The following ADAMTS2 variants were observed in gnomAD, a reference collection of about 807,000 sequenced individuals.
ADAMTS2 encodes the protein ADAM metallopeptidase with thrombospondin type 1 motif 2, also known as A disintegrin and metalloproteinase with thrombospondin motifs 2.
A neutral mutation model predicts 123.0 loss-of-function variants in ADAMTS2; 50 were observed. That is an observed-to-expected ratio of 0.41 (90% CI 0.32 to 0.51). The LOEUF (loss-of-function observed/expected upper bound fraction) is 0.51, where lower values mean the gene tolerates loss of function less well. Among genes scored for constraint, ADAMTS2 ranks in the 20% least tolerant of loss-of-function variants. The pLI, the probability that ADAMTS2 is intolerant of heterozygous loss-of-function variation, is 0.35. For synonymous variants in ADAMTS2, 678 were observed against 695.4 expected, an observed-to-expected ratio of 0.98 and a Z score of 0.39; for missense variants, 1,494 against 1,705.2, an observed-to-expected ratio of 0.88 and a Z score of 2.18.
In ADAMTS2 at chr5:179,129,919, T is replaced by G. The variant is rs1762929055; in HGVS notation, c.2457+13A>C. ...CCGCACCCTTCCCTGGGCCCAGCCCTGCTTGGACTCACCAGAACGGTGATG... is the reference window on the plus strand; with the variant it reads ...CCGCACCCTTCCCTGGGCCCAGCCCGGCTTGGACTCACCAGAACGGTGATG... On this transcript the variant is annotated intron_variant, in intron 16 of 21. Coordinates refer to ENST00000251582, the MANE Select transcript of ADAMTS2 (RefSeq NM_014244.5). This position sits in a 1 kb window ranked among gnomAD's most constrained non-coding sequence, Gnocchi z 4.1. The G allele has an allele frequency of 6.2e-7, 1 of 1,613,716 alleles. No homozygotes were observed. The highest frequency in any genetic ancestry group is 1.3e-5 in the African/African-American group (1 of 75,046).
intron 4 of ADAMTS2, among the ~76,000 whole-genome samples, chr5:179,193,898 C>A (rs976710751): frequency 2.6e-5 from 4 of 152,184 alleles, no homozygotes; most frequent in African/African-American, 4.8e-5. Flanking sequence ...TGGGAGGGGC[C>A]TCAGGGAGTG....
chr5:179,229,586 T>C (rs1032882156), intron 3 of ADAMTS2, among the ~76,000 whole-genome samples: 4 of 152,116 alleles, frequency 2.6e-5, no homozygotes, highest in African/African-American at 9.7e-5. Flanking sequence ...ACACTCTTTG[T>C]AGGGGTCCTG....
intron 3 of ADAMTS2, among the ~76,000 whole-genome samples, chr5:179,218,734 A>G (rs1490775620): frequency 6.6e-6 from 1 of 151,936 alleles, no homozygotes; most frequent in African/African-American, 2.4e-5. Context: ...AGTTCTCTAA[A>G]CTCCCACGGG....
Position 179,209,510 on chromosome 5 carries a change from G to A in ADAMTS2, c.689-1795C>T, listed in dbSNP as rs577216005. On this transcript the variant is annotated intron_variant, in intron 3 of 21. Coordinates refer to ENST00000251582, the MANE Select transcript of ADAMTS2 (RefSeq NM_014244.5). ...CTCCACAGTTCTGTGTCCCCTCGGC[G>A]CACACACACATGCACACACACACAC... Among the ~76,000 whole-genome samples, 8 of 138,092 alleles carry A rather than the reference G, an allele frequency of 5.8e-5. No homozygotes were observed. The East Asian group carries it at 5.9e-4, about 10-fold the overall frequency. 90.6% of individuals were successfully genotyped at this position (138,092 alleles called of 152,430 possible).
Position 179,115,118 on chromosome 5 carries a change from C to A in ADAMTS2, c.3179-794G>T, listed in dbSNP as rs1227412693. 6.6e-6 allele frequency among the ~76,000 whole-genome samples: 1 copy of A among 152,160 alleles called. No individual in the cohort carries two copies. Among genetic ancestry groups the A allele is most frequent in the Non-Finnish European group, 1.5e-5 (1 of 68,042 alleles). On this transcript the variant is annotated intron_variant, in intron 21 of 21. Transcript: ENST00000251582. The surrounding 1 kb of genome is among the most constrained non-coding windows in gnomAD (Gnocchi z 4.4). ...CACATCTTTCTCTTTCCTTTCCACC[C>A]AAGAAACTGGTCATCTGTGGTCCAG...
At chr5:179,325,916 C>T (rs946461303) in intron 2 of ADAMTS2, among the ~76,000 whole-genome samples, 17 of 152,240 alleles carry the variant, frequency 1.1e-4, no homozygotes, top group Non-Finnish European at 1.8e-4. Flanking sequence ...AGGAGCGAGG[C>T]CAGCCGCCTC....
intron 2 of ADAMTS2, among the ~76,000 whole-genome samples, chr5:179,283,951 T>TATC (rs1755920191): frequency 2.2e-5 from 2 of 90,852 alleles, no homozygotes; most frequent in Non-Finnish European, 4.5e-5. Flanking sequence ...AGATGATTAT[T>TATC]ATTATTATTA....
In ADAMTS2 at chr5:179,303,761, G is replaced by A. The variant is rs1327642161; in HGVS notation, c.535-30697C>T. ...CTGGAAGTGCTGTGGTCCTAGAAAG[G>A]TGGAGTGAAACCCCATTGCTCTTTC... On this transcript the variant is annotated intron_variant, in intron 2 of 21. Transcript: ENST00000251582. This position sits in a 1 kb window ranked among gnomAD's most constrained non-coding sequence, Gnocchi z 4.7. 6.6e-6 allele frequency among the ~76,000 whole-genome samples: 1 copy of A among 152,222 alleles called. No homozygotes were observed. Among genetic ancestry groups the A allele is most frequent in the African/African-American group, 2.4e-5 (1 of 41,454 alleles).
chr5:179,178,269 C>A (rs527974646), intron 5 of ADAMTS2, among the ~76,000 whole-genome samples: 10 of 27,224 alleles, frequency 3.7e-4, no homozygotes, highest in Admixed American at 1.1e-3. Context: ...ATCCCCCCCG[C>A]ACCTCCCCGC....
At chr5:179,172,713 T>C (rs1469626539) in intron 5 of ADAMTS2, among the ~76,000 whole-genome samples, 5 of 152,214 alleles carry the variant, frequency 3.3e-5, no homozygotes, top group Non-Finnish European at 7.3e-5. Context: ...TGAATTCTCT[T>C]TGATGTCTTC....
intron 3 of ADAMTS2, among the ~76,000 whole-genome samples, chr5:179,259,659 C>T (rs571627402): frequency 9.2e-5 from 14 of 152,364 alleles, no homozygotes; most frequent in African/African-American, 2.4e-4. Context: ...TTCCTGATAC[C>T]GGGTCTGTCG....
intron 2 of ADAMTS2, among the ~76,000 whole-genome samples, chr5:179,283,945 GATTATTATT>G (rs756134923): frequency 4.5e-4 from 54 of 120,530 alleles, no homozygotes; most frequent in Non-Finnish European, 5.8e-4. Context: ...ATGGTCAGAT[GATTATTATT>G]ATTATTATTA....
At chr5:179,163,552 A>T (rs2113275858) in intron 5 of ADAMTS2, among the ~76,000 whole-genome samples, 1 of 152,268 alleles carries the variant, frequency 6.6e-6, no homozygotes, top group Non-Finnish European at 1.5e-5. Flanking sequence ...CCCCGTCACC[A>T]CTTTATTCCA....
rs969827455 is a variant in ADAMTS2 at position 179,234,445 on chromosome 5, G to A, written c.689-26730C>T. 5.9e-5 allele frequency among the ~76,000 whole-genome samples: 9 copies of A among 151,964 alleles called. No homozygotes were observed. Among genetic ancestry groups the A allele is most frequent in the East Asian group, 1.9e-4 (1 of 5,164 alleles). ...CTTCCGTGTGCAGGGCTTCACCCTCGCTCTCCTCTCTGCCTGCTCCACACC... is the reference window on the plus strand; with the variant it reads ...CTTCCGTGTGCAGGGCTTCACCCTCACTCTCCTCTCTGCCTGCTCCACACC... On this transcript the variant is annotated intron_variant, in intron 3 of 21. Coordinates refer to ENST00000251582, the MANE Select transcript of ADAMTS2 (RefSeq NM_014244.5). This position sits in a 1 kb window ranked among gnomAD's most constrained non-coding sequence, Gnocchi z 4.7.
At chr5:179,326,043 G>A (rs565915838) in intron 2 of ADAMTS2, among the ~76,000 whole-genome samples, 4 of 152,340 alleles carry the variant, frequency 2.6e-5, no homozygotes, top group African/African-American at 4.8e-5. Flanking sequence ...CTGCCTCTCC[G>A]TCCTGCACAT....
chr5:179,231,564 C>T (rs1169842323), intron 3 of ADAMTS2, among the ~76,000 whole-genome samples: 1 of 152,154 alleles, frequency 6.6e-6, no homozygotes, highest in East Asian at 1.9e-4. Context: ...AGTCGCCTAC[C>T]ATGGCGAGCA....
At chr5:179,319,171 G>A (rs562895982) in intron 2 of ADAMTS2, among the ~76,000 whole-genome samples, 230 of 152,038 alleles carry the variant, frequency 1.5e-3, no homozygotes, top group African/African-American at 5.3e-3. Context: ...ACACGCAGGC[G>A]TCACACAGGC....
intron 2 of ADAMTS2, among the ~76,000 whole-genome samples, chr5:179,325,772 G>A (rs1486014605): frequency 3.9e-5 from 6 of 152,254 alleles, no homozygotes; most frequent in Non-Finnish European, 5.9e-5. Flanking sequence ...CCTGAGCCCC[G>A]CATTCCCCCT....
At chr5:179,301,967 C>G (rs1378046132) in intron 2 of ADAMTS2, among the ~76,000 whole-genome samples, 1 of 152,214 alleles carries the variant, frequency 6.6e-6, no homozygotes, top group Non-Finnish European at 1.5e-5. Context: ...ACACCTCGCC[C>G]CTGGGTGCCC....
Sources: gnomAD v4.1 joint callset for allele counts (sites outside exome capture counted in the v4.1 genomes callset) on GRCh38, gnomAD v4.1.1 for gene constraint, Gnocchi (gnomAD v3.1) non-coding constraint, MANE v1.5 for transcripts, NCBI Gene and HGNC (gene_info 2026-07-23, HGNC 2026-07-21) for gene names.